Variants in CAST observed in about 807,000 individuals in gnomAD.
CAST encodes MIR583 host.
Under a neutral mutation model 119.6 loss-of-function variants are expected in CAST, and 76 were observed. That is an observed-to-expected ratio of 0.64 (90% CI 0.53 to 0.77). The LOEUF (loss-of-function observed/expected upper bound fraction) is 0.77, where lower values mean the gene tolerates loss of function less well. Among genes scored for constraint, CAST ranks in the 30% least tolerant of loss-of-function variants. The probability of loss-of-function intolerance (pLI) is 0.00; values close to 1 mark genes in which losing one functional copy is unlikely to be tolerated. For missense variants in CAST, 953 were observed against 946.5 expected (o/e 1.01, Z -0.09); for synonymous variants, 319 against 331.6 (o/e 0.96, Z 0.41).
the CAST span, among the ~76,000 whole-genome samples, chr5:96,435,790 C>T: frequency 6.6e-6 from 1 of 152,142 alleles, no homozygotes; most frequent in Non-Finnish European, 1.5e-5. Flanking sequence ...ATTAAGGTTT[C>T]TTGGAGAGTA....
At chr5:96,529,243 G>C (rs1051809516), upstream of CAST, among the ~76,000 whole-genome samples, 1 of 151,798 alleles carries the variant, frequency 6.6e-6, no homozygotes, top group Non-Finnish European at 1.5e-5. Flanking sequence ...AAGAAACTAA[G>C]AGAAAATTTA....
chr5:96,266,473 G>A, the CAST span, among the ~76,000 whole-genome samples: 3 of 152,170 alleles, frequency 2.0e-5, no homozygotes, highest in Non-Finnish European at 4.4e-5. Flanking sequence ...ACTCTGCTCT[G>A]TACCTGGACC....
At chr5:96,275,935 G>T in the CAST span, among the ~76,000 whole-genome samples, 1 of 152,190 alleles carries the variant, frequency 6.6e-6, no homozygotes, top group African/African-American at 2.4e-5. Context: ...AAAAGCTCCT[G>T]TTGCTCTTCC....
the CAST span, among the ~76,000 whole-genome samples, chr5:96,368,994 T>A: frequency 6.6e-6 from 1 of 152,038 alleles, no homozygotes. Flanking sequence ...TCTTTGTGGT[T>A]AGAATTCTGA....
chr5:96,241,220 AC>A, the CAST span, among the ~76,000 whole-genome samples: 1 of 68,094 alleles, frequency 1.5e-5, no homozygotes, highest in Non-Finnish European at 2.7e-5. Flanking sequence ...CCCTCCCCCC[AC>A]CCCACAACAG....
chr5:96,585,414 A>G (rs1199038093), intron 1 of CAST, among the ~76,000 whole-genome samples: 1 of 152,200 alleles, frequency 6.6e-6, no homozygotes, highest in East Asian at 1.9e-4. Flanking sequence ...CCTACAGAAT[A>G]ATATCTAAAC....
the CAST span, among the ~76,000 whole-genome samples, chr5:96,454,689 T>C: frequency 8.5e-5 from 13 of 152,206 alleles, no homozygotes; most frequent in Admixed American, 1.3e-4. Flanking sequence ...ATTGTTTCGT[T>C]TGAAAATTCC....
At chr5:96,651,270 C>T (rs1232860066) in intron 1 of CAST, among the ~76,000 whole-genome samples, 1 of 152,174 alleles carries the variant, frequency 6.6e-6, no homozygotes, top group Admixed American at 6.5e-5. Flanking sequence ...TCGGTTTCTC[C>T]ACCACACTGC....
Position 96,754,644 on chromosome 5 carries a change from A to G in CAST, c.1627-14A>G, listed in dbSNP as rs1324660936. 3 of 1,510,236 alleles carry G rather than the reference A, an allele frequency of 2.0e-6. No individual in the cohort carries two copies. The highest frequency in any genetic ancestry group is 2.7e-6 in the Non-Finnish European group (3 of 1,097,136). The allele number at this position is 1,510,236 out of a possible 1,614,324, so 93.6% of individuals were successfully genotyped here. A position where few individuals can be genotyped will look rare whatever the true frequency, so the allele number is the denominator to read the frequency against. On this transcript the variant is annotated splice_polypyrimidine_tract_variant and intron_variant, in intron 21 of 31. Transcript: ENST00000675179. The stretch of plus-strand genomic sequence containing the variant: ...AAAACATGCTAACAATGAAAATGGT[A>G]TAATTTTTCTCAGGAGAAGGCCAAA...
chr5:96,061,567 A>C, the CAST span, among the ~76,000 whole-genome samples: 2 of 152,014 alleles, frequency 1.3e-5, no homozygotes, highest in African/African-American at 4.8e-5. Context: ...ACTTGGATGC[A>C]CTATAGCCCC....
chr5:96,247,755 C>T, the CAST span: 1 of 152,212 alleles, frequency 6.6e-6, no homozygotes, highest in Non-Finnish European at 1.5e-5. Flanking sequence ...TAGAGAAACA[C>T]AAGCCTTTTC....
the CAST span, among the ~76,000 whole-genome samples, chr5:96,503,456 G>A: frequency 5.3e-5 from 8 of 152,010 alleles, no homozygotes; most frequent in African/African-American, 1.2e-4. Flanking sequence ...GAAATTGAAT[G>A]CCCCCATTAA....
At chr5:96,351,816 T>C in the CAST span, among the ~76,000 whole-genome samples, 12 of 152,042 alleles carry the variant, frequency 7.9e-5, no homozygotes, top group African/African-American at 2.9e-4. Flanking sequence ...TTGTTTTAAG[T>C]GCTTAGGGAT....
Position 96,602,025 on chromosome 5 carries a change from A to G in CAST, c.60+72145A>G, listed in dbSNP as rs149578276. ...TTAGCTTCAAACTCTCTTGAGTGGCAGGCAGCTCTCTCTGTGAGAGGTGAC... is the reference window on the plus strand; with the variant it reads ...TTAGCTTCAAACTCTCTTGAGTGGCGGGCAGCTCTCTCTGTGAGAGGTGAC... On this transcript the variant is annotated intron_variant, in intron 1 of 11. Transcript: ENST00000505143. Among the ~76,000 whole-genome samples, 600 of 152,304 alleles carry G rather than the reference A, an allele frequency of 3.9e-3. 3 individuals are homozygous for G. The highest frequency in any genetic ancestry group is 0.01 in the Middle Eastern group (3 of 294).
chr5:96,337,189 G>C, the CAST span, among the ~76,000 whole-genome samples: 244 of 152,140 alleles, frequency 1.6e-3, 4 homozygotes, highest in East Asian at 0.035. Flanking sequence ...TCTGACATGA[G>C]AGTGGAAATG....
At chr5:96,413,993 G>A in the CAST span, among the ~76,000 whole-genome samples, 1 of 139,604 alleles carries the variant, frequency 7.2e-6, no homozygotes, top group Non-Finnish European at 1.5e-5. Context: ...AAAAAAATTA[G>A]CCGGGCGTAG....
chr5:96,249,429 A>T, the CAST span, among the ~76,000 whole-genome samples: 1 of 152,336 alleles, frequency 6.6e-6, no homozygotes, highest in African/African-American at 2.4e-5. Context: ...AGGACATAAT[A>T]ATACTACTTT....
intron 1 of CAST, among the ~76,000 whole-genome samples, chr5:96,560,607 A>C (rs1362893800): frequency 6.6e-6 from 1 of 152,256 alleles, no homozygotes; most frequent in East Asian, 1.9e-4. Context: ...AAAATTGCTC[A>C]TCATTACTGG....
chr5:96,363,382 G>A, the CAST span, among the ~76,000 whole-genome samples: 6 of 147,224 alleles, frequency 4.1e-5, no homozygotes, highest in Admixed American at 3.4e-4. Context: ...AAAGTCATTG[G>A]TAGCTTGATG....
Sources: gnomAD v4.1 joint callset for allele counts (sites outside exome capture counted in the v4.1 genomes callset) on GRCh38, gnomAD v4.1.1 for gene constraint, MANE v1.5 for transcripts, NCBI Gene and HGNC (gene_info 2026-07-23, HGNC 2026-07-21) for gene names.